The following BCR variants were observed in gnomAD, a reference collection of about 807,000 sequenced individuals.
The protein encoded by BCR is BCR activator of RhoGEF and GTPase, also known as breakpoint cluster region protein.
Under a neutral mutation model 138.6 loss-of-function variants are expected in BCR, and 58 were observed. The ratio of observed to expected loss-of-function variants is 0.42; its 90% CI spans 0.34 to 0.52. BCR has a LOEUF of 0.52. Among genes scored for constraint, BCR ranks in the 20% least tolerant of loss-of-function variants. BCR has a pLI of 0.06. For synonymous variants in BCR, 786 were observed against 730.1 expected (o/e 1.08, Z -1.23); for missense variants, 1,599 against 1,727.2 (o/e 0.93, Z 1.32).
At chr22:23,198,588 G>C (rs369949396) in intron 1 of BCR, among the ~76,000 whole-genome samples, 2 of 152,178 alleles carry the variant, frequency 1.3e-5, no homozygotes, top group Non-Finnish European at 2.9e-5. Flanking sequence ...TGTGGCGGCT[G>C]TTCCCTGTGG....
intron 8 of BCR, among the ~76,000 whole-genome samples, chr22:23,282,552 T>A (rs2073660087): frequency 6.6e-6 from 1 of 152,208 alleles, no homozygotes; most frequent in South Asian, 2.1e-4. Flanking sequence ...GGGAGCTCTG[T>A]TGCCTCCGGC....
chr22:23,243,218 G>A (rs187994490), intron 1 of BCR, among the ~76,000 whole-genome samples: 6 of 152,202 alleles, frequency 3.9e-5, no homozygotes, highest in African/African-American at 1.4e-4. Context: ...TGCTTGAGGG[G>A]CCCCTAGATA....
intron 1 of BCR, among the ~76,000 whole-genome samples, chr22:23,197,286 G>A (rs559671929): frequency 4.6e-5 from 7 of 152,314 alleles, no homozygotes; most frequent in South Asian, 2.1e-4. Flanking sequence ...AGGCTCTGTC[G>A]TGTAGGTTTG....
intron 1 of BCR, among the ~76,000 whole-genome samples, chr22:23,195,003 G>A (rs989406405): frequency 6.6e-6 from 1 of 152,060 alleles, no homozygotes; most frequent in African/African-American, 2.4e-5. Context: ...TTGGCCGGGA[G>A]TGGTGGCTCA....
At chr22:23,241,631 G>A (rs1213278577) in intron 1 of BCR, among the ~76,000 whole-genome samples, 1 of 152,114 alleles carries the variant, frequency 6.6e-6, no homozygotes, top group Non-Finnish European at 1.5e-5. Context: ...TCAGGGACTA[G>A]AAGCTCAGCA....
At chr22:23,233,714 C>G (rs1184059717) in intron 1 of BCR, among the ~76,000 whole-genome samples, 1 of 150,604 alleles carries the variant, frequency 6.6e-6, no homozygotes, top group Non-Finnish European at 1.5e-5. Context: ...CGCTTGAACC[C>G]AGGAGTCGGG....
chr22:23,299,528 T>C (rs2073881784), intron 16 of BCR, among the ~76,000 whole-genome samples: 1 of 152,110 alleles, frequency 6.6e-6, no homozygotes, highest in South Asian at 2.1e-4. Flanking sequence ...CCCCGTGACG[T>C]GATCTTTATT....
rs79418967 is a variant in BCR, at chr22:23,199,940, T to C, written c.1279+17701T>C. Among the ~76,000 whole-genome samples the C allele has an allele frequency of 3.3e-5, 5 of 151,794 alleles. No individual in the cohort carries two copies. The South Asian group carries it at 8.3e-4, about 25-fold the overall frequency. On this transcript the variant is annotated intron_variant, in intron 1 of 22. Transcript: ENST00000305877. ...TCTACTAAAAATACAAAAAAAAAATTAGCCGGGCGTGGTGGCGGGCGCCTG... is the reference window on the plus strand; with the variant it reads ...TCTACTAAAAATACAAAAAAAAAATCAGCCGGGCGTGGTGGCGGGCGCCTG...
chr22:23,181,388 A>G lies in BCR; in HGVS notation c.428A>G (p.Asp143Gly). The G allele has an allele frequency of 6.5e-7, 1 of 1,544,726 alleles. No homozygotes were observed. The highest frequency in any genetic ancestry group is 1.2e-5 in the South Asian group (1 of 81,942). Reference protein sequence around the residue: ...RPGAAASGERDDRGPPASVAA... With the variant: ...RPGAAASGERGDRGPPASVAA... ...GGGGCAGCCGCGTCGGGGGAACGGG[A>G]CGACCGGGGACCCCCCGCCAGCGTG... is the stretch of plus-strand genomic sequence containing the variant. Residue 143 changes from aspartate to glycine, a missense_variant, in exon 1 of 23, where the codon GAC becomes GGC. Physicochemically the swap from Asp to Gly is moderately conservative, Grantham distance 94. Coordinates refer to ENST00000305877, the MANE Select transcript of BCR (RefSeq NM_004327.4).
rs533879417 is a variant in BCR, at chr22:23,299,223, A to G, written c.3012+4068A>G. ...GTGGTCTCGATCTCCTGACCTCATG[A>G]TCCGCCCTCCTCAGCCTCCCAAAGT... is the stretch of plus-strand genomic sequence containing the variant. On this transcript the variant is annotated intron_variant, in intron 16 of 22. Transcript: ENST00000305877. 2.0e-3 allele frequency among the ~76,000 whole-genome samples: 305 copies of G among 151,120 alleles called. 3 individuals are homozygous for G. Among genetic ancestry groups the G allele is most frequent in the African/African-American group, 7.2e-3 (297 of 41,202 alleles).
intron 5 of BCR, among the ~76,000 whole-genome samples, chr22:23,269,221 A>T (rs1602086226): frequency 6.6e-6 from 1 of 151,980 alleles, no homozygotes; most frequent in Non-Finnish European, 1.5e-5. Context: ...CTGGGTCTGC[A>T]CTCCAGACTG....
At chr22:23,307,693 C>T (rs2073965062) in intron 16 of BCR, 1 of 151,280 alleles carries the variant, frequency 6.6e-6, no homozygotes, top group Admixed American at 6.6e-5. Flanking sequence ...CCGCCCTTTG[C>T]TTCTCTGTGC....
chr22:23,290,836 T>G, intron 14 of BCR: 1 of 215,556 alleles, frequency 4.6e-6, no homozygotes, highest in South Asian at 8.1e-5. Flanking sequence ...TTTTTTCCTT[T>G]CCCTCTAAGT....
At chr22:23,264,289 A>G (rs1486198778) in intron 4 of BCR, 8 of 929,496 alleles carry the variant, frequency 8.6e-6, no homozygotes, top group Non-Finnish European at 1.3e-5. Context: ...TACTGCCTGC[A>G]TCTCACCACC....
intron 1 of BCR, among the ~76,000 whole-genome samples, chr22:23,202,356 A>G (rs1223556291): frequency 6.6e-6 from 1 of 152,216 alleles, no homozygotes; most frequent in Non-Finnish European, 1.5e-5. Context: ...AAAAATTAAA[A>G]TTATGGTAAA....
chr22:23,212,209 G>C (rs1222909849), intron 1 of BCR, among the ~76,000 whole-genome samples: 2 of 152,160 alleles, frequency 1.3e-5, no homozygotes, highest in South Asian at 4.1e-4. Flanking sequence ...AGAAGCCATC[G>C]AGCCACATGG....
chr22:23,254,071 G>T, intron 2 of BCR, 91 bp downstream of exon 2: 1 of 1,412,860 alleles, frequency 7.1e-7, no homozygotes, highest in Middle Eastern at 2.6e-4. Context: ...CAGGTAGGTG[G>T]TGGAGCAGCC....
intron 16 of BCR, chr22:23,302,581 A>T (rs1021475105): frequency 3.3e-5 from 5 of 152,304 alleles, no homozygotes; most frequent in African/African-American, 4.8e-5. Flanking sequence ...CACTGGGAAA[A>T]GCCCAGATTC....
Position 23,317,884 on chromosome 22 carries a change from G to A in BCR, c.*2362G>A, listed in dbSNP as rs1476067077. The stretch of plus-strand genomic sequence containing the variant: ...ACAAGGCGTGGCTTCCAGACTCCCC[G>A]GCCGGAAGTGATGCTTTTTTGCCTT... On this transcript the variant is annotated 3_prime_UTR_variant, in exon 23 of 23. Transcript: ENST00000305877. 2.9e-4 allele frequency: 42 copies of A among 144,604 alleles called. No homozygotes were observed. Among genetic ancestry groups the A allele is most frequent in the African/African-American group, 1.1e-3 (40 of 37,586 alleles). 9.0% of individuals were successfully genotyped at this position (144,604 alleles called of 1,614,324 possible). A position where few individuals can be genotyped will look rare whatever the true frequency, so the allele number is the denominator to read the frequency against.
Sources: gnomAD v4.1 joint callset for allele counts (sites outside exome capture counted in the v4.1 genomes callset) on GRCh38, gnomAD v4.1.1 for gene constraint, MANE v1.5 for transcripts, NCBI Gene and HGNC (gene_info 2026-07-23, HGNC 2026-07-21) for gene names.